Variants in INSC observed in about 807,000 individuals in gnomAD.
The protein encoded by INSC is protein inscuteable homolog.
In INSC, 67 loss-of-function variants were observed where a neutral mutation model predicts 58.6. The observed-to-expected ratio is 1.14, with a 90% confidence interval of 0.94 to 1.40. The LOEUF (loss-of-function observed/expected upper bound fraction) is 1.40. INSC is among the 40% of genes most tolerant of loss of function. The pLI is 0.00. For synonymous variants in INSC, 262 were observed against 276.1 expected (o/e 0.95, Z 0.51); for missense variants, 714 against 692.0 (o/e 1.03, Z -0.36).
chr11:15,149,222 G>A lies in INSC; in HGVS notation c.48G>A (p.Pro16=), dbSNP rs371682185. The A allele has an allele frequency of 6.9e-5, 110 of 1,605,542 alleles. No homozygotes were observed. The African/African-American group carries it at 9.8e-4, about 14-fold the overall frequency. ...GCCACCTGGACTCCGTCACCCTGCC[G>A]GGTCAGCGGTAAGTCCTACAGCTGT... ...GGRHLDSVTL[P]GQRLHLMQVD... The change falls in exon 2 of 13, where the codon CCG becomes CCA. Residue 16 remains proline (P), a synonymous_variant. Transcript: ENST00000379556.
intron 7 of INSC, among the ~76,000 whole-genome samples, chr11:15,203,375 C>T (rs529751633): frequency 9.8e-5 from 15 of 152,304 alleles, no homozygotes; most frequent in African/African-American, 3.4e-4. Context: ...AATACACAGA[C>T]ACTCATGAAA....
intron 1 of INSC, among the ~76,000 whole-genome samples, chr11:15,142,576 A>C (rs1848396270): frequency 1.3e-5 from 2 of 151,996 alleles, no homozygotes; most frequent in South Asian, 4.1e-4. Context: ...GCTTCGGGGG[A>C]GGGTGACATT....
At chr11:15,127,123 C>T (rs1044674906) in intron 1 of INSC, among the ~76,000 whole-genome samples, 3 of 152,150 alleles carry the variant, frequency 2.0e-5, no homozygotes, top group African/African-American at 7.2e-5. Context: ...CCCTGCCCAG[C>T]TGGAGAGAGA....
At chr11:15,218,054 A>G (rs939049) in intron 7 of INSC, among the ~76,000 whole-genome samples, 39,493 of 152,146 alleles carry the variant, frequency 0.26, 6,126 homozygotes, top group East Asian at 0.74. Flanking sequence ...AGAAACTGGC[A>G]GATGTTCACC....
intron 1 of INSC, among the ~76,000 whole-genome samples, chr11:15,118,258 C>A (rs1251829489): frequency 6.6e-6 from 1 of 152,206 alleles, no homozygotes; most frequent in Non-Finnish European, 1.5e-5. Flanking sequence ...CATTTGTCAC[C>A]TCTTATCTGC....
Position 15,222,260 on chromosome 11 carries a change from A to G in INSC, c.991+612A>G, listed in dbSNP as rs114495080. On this transcript the variant is annotated intron_variant, in intron 8 of 12. Transcript: ENST00000379556. ...CCTTTGCTAAATTATAGAAACTGAA[A>G]GCGCTTGTCTGGATAACAATCCCCA... Among the ~76,000 whole-genome samples, 985 of 152,342 alleles carry G rather than the reference A, an allele frequency of 6.5e-3. 10 individuals carry two copies. Among genetic ancestry groups the G allele is most frequent in the African/African-American group, 0.022 (928 of 41,578 alleles).
the INSC span, among the ~76,000 whole-genome samples, chr11:15,255,576 A>G: frequency 6.6e-6 from 1 of 152,152 alleles, no homozygotes; most frequent in East Asian, 1.9e-4. Context: ...TTTGTTAGAT[A>G]TTTCTGATGG....
upstream of INSC, chr11:15,114,836 C>A: frequency 1.4e-6 from 1 of 694,506 alleles, no homozygotes; most frequent in Non-Finnish European, 1.8e-6. Flanking sequence ...GCTGCGACCG[C>A]CTCGGAGAGG....
At chr11:15,171,864 G>A (rs562177369) in intron 2 of INSC, among the ~76,000 whole-genome samples, 5 of 152,270 alleles carry the variant, frequency 3.3e-5, no homozygotes, top group South Asian at 2.1e-4. Context: ...TTGGTTCTAC[G>A]TTTCACAATT....
intron 7 of INSC, among the ~76,000 whole-genome samples, chr11:15,210,421 T>C (rs1460248978): frequency 1.1e-5 from 1 of 87,980 alleles, no homozygotes; most frequent in Non-Finnish European, 2.2e-5. Context: ...TTGGGTTGTG[T>C]TGAGTGGGTG....
At chr11:15,196,248 G>T (rs922679640) in intron 6 of INSC, among the ~76,000 whole-genome samples, 1 of 152,246 alleles carries the variant, frequency 6.6e-6, no homozygotes, top group Non-Finnish European at 1.5e-5. Flanking sequence ...TCCTATGTGT[G>T]CAGGCCCTGT....
the INSC span, among the ~76,000 whole-genome samples, chr11:15,256,763 C>A: frequency 2.6e-5 from 4 of 152,144 alleles, no homozygotes; most frequent in South Asian, 2.1e-4. Flanking sequence ...GCTGGGATTA[C>A]ACGGGTGAGG....
At chr11:15,120,752 A>G (rs1847851982) in intron 1 of INSC, among the ~76,000 whole-genome samples, 1 of 152,116 alleles carries the variant, frequency 6.6e-6, no homozygotes, top group African/African-American at 2.4e-5. Context: ...GTATTTTAAG[A>G]AGGGAGGGAC....
At chr11:15,111,840 T>C (rs1248262378), upstream of INSC, among the ~76,000 whole-genome samples, 2 of 152,238 alleles carry the variant, frequency 1.3e-5, no homozygotes, top group East Asian at 1.9e-4. Flanking sequence ...TAGGCTGTTA[T>C]TATCAATGTC....
At chr11:15,160,961 A>G (rs1237506331) in intron 2 of INSC, among the ~76,000 whole-genome samples, 2 of 152,238 alleles carry the variant, frequency 1.3e-5, no homozygotes, top group African/African-American at 2.4e-5. Flanking sequence ...ATAGCATTTT[A>G]CTGAATACTA....
rs1763684160 is a variant in INSC at position 15,209,257 on chromosome 11, AC to A, written c.819+8312del. Reference sequence around the variant, plus strand: ...TTATTCACTGTGTGTGTGACCTTGCACCCCTCTGAGCCCCATTTCATCACAG... The same window carrying A: ...TTATTCACTGTGTGTGTGACCTTGCACCCTCTGAGCCCCATTTCATCACAG... On this transcript the variant is annotated intron_variant, in intron 7 of 12. Coordinates refer to ENST00000379556, the MANE Select transcript of INSC (RefSeq NM_001042536.3). 3.3e-5 allele frequency among the ~76,000 whole-genome samples: 5 copies of A among 152,050 alleles called. No individual in the cohort carries two copies. The South Asian group carries it at 1.0e-3, about 32-fold the overall frequency.
intron 6 of INSC, among the ~76,000 whole-genome samples, chr11:15,196,411 A>G (rs73426527): frequency 0.048 from 7,247 of 152,302 alleles, 596 homozygotes; most frequent in African/African-American, 0.17. Context: ...GCTCTGGAGT[A>G]GGTGCTATTT....
chr11:15,239,131 C>T, intron 11 of INSC, 57 bp downstream of exon 11: 2 of 1,556,332 alleles, frequency 1.3e-6, no homozygotes, highest in East Asian at 2.3e-5. Flanking sequence ...GGGGTGGGAG[C>T]AGCTCTGATT....
Position 15,149,148 on chromosome 11 carries a change from C to T in INSC, c.-27C>T. The T allele has an allele frequency of 1.2e-6, 2 of 1,610,410 alleles. No homozygotes were observed. Among genetic ancestry groups the T allele is most frequent in the Non-Finnish European group, 1.7e-6 (2 of 1,178,422 alleles). On this transcript the variant is annotated 5_prime_UTR_variant, in exon 2 of 13. Transcript: ENST00000379556. ...TTTTCAGGGTCACGACCGCTGCAAGCAGGCTTTGCTGCAGATTGGGATCAA... is the reference window on the plus strand; with the variant it reads ...TTTTCAGGGTCACGACCGCTGCAAGTAGGCTTTGCTGCAGATTGGGATCAA...
Sources: allele counts gnomAD v4.1 joint callset (sites outside exome capture counted in the v4.1 genomes callset), GRCh38; gene constraint gnomAD v4.1.1; transcripts MANE v1.5; gene names NCBI Gene and HGNC (gene_info 2026-07-23, HGNC 2026-07-21).